Variants in LIPA observed in about 807,000 individuals in gnomAD.
The protein encoded by LIPA is lipase A, lysosomal acid type.
LIPA carries 26 observed loss-of-function variants against 40.6 expected under a neutral mutation model. The observed-to-expected ratio is 0.64, with a 90% CI of 0.47 to 0.89. The LOEUF is 0.89. Among genes scored for constraint, LIPA ranks in the 40% least tolerant of loss-of-function variants. The pLI is 0.00. For missense variants in LIPA, 455 were observed against 479.6 expected, an observed-to-expected ratio of 0.95 and a Z score of 0.48; for synonymous variants, 188 against 168.4, an observed-to-expected ratio of 1.12 and a Z score of -0.90.
chr10:89,233,895 T>C (rs1027798380), intron 3 of LIPA, among the ~76,000 whole-genome samples: 2 of 151,522 alleles, frequency 1.3e-5, no homozygotes, highest in East Asian at 3.9e-4. Flanking sequence ...AAAAAAGCAA[T>C]GGCAAAAACC....
At chr10:89,357,521 T>TCA (rs1843995065) in intron 2 of LIPA, among the ~76,000 whole-genome samples, 1 of 152,232 alleles carries the variant, frequency 6.6e-6, no homozygotes, top group African/African-American at 2.4e-5. Context: ...TCTTACTAAG[T>TCA]TAACAGACAC....
At position 89,225,235 on chromosome 10, in the gene LIPA, G is replaced by A. The variant is rs1842753489; in HGVS notation, c.539-7C>T. 1.2e-6 allele frequency: 2 copies of A among 1,614,040 alleles called. No homozygotes were observed. Among genetic ancestry groups the A allele is most frequent in the East Asian group, 2.2e-5 (1 of 44,878 alleles). ...TGTGAAAATGCTATAAAACCTGTGAGAACAAAGGACAGAAAACAGGAATTC... is the reference window on the plus strand; with the variant it reads ...TGTGAAAATGCTATAAAACCTGTGAAAACAAAGGACAGAAAACAGGAATTC... On this transcript the variant is annotated splice_polypyrimidine_tract_variant and splice_region_variant and intron_variant, in intron 5 of 9. Transcript: ENST00000336233.
At chr10:89,393,366 C>T in intron 2 of LIPA, 1 of 1,115,180 alleles carries the variant, frequency 9.0e-7, no homozygotes, top group South Asian at 1.4e-5. Context: ...GAAGATGATC[C>T]ACATCTGCTT....
chr10:89,299,699 C>G (rs1843434367), intron 1 of LIPA, among the ~76,000 whole-genome samples: 4 of 151,580 alleles, frequency 2.6e-5, no homozygotes, highest in Admixed American at 2.6e-4. Flanking sequence ...CAAGGAAATG[C>G]AAATAAAAAT....
At chr10:89,271,184 C>T (rs1404713571) in intron 1 of LIPA, among the ~76,000 whole-genome samples, 2 of 152,206 alleles carry the variant, frequency 1.3e-5, no homozygotes, top group African/African-American at 4.8e-5. Flanking sequence ...GAGGAAGAGA[C>T]TATTTGGTCT....
chr10:89,222,633 A>G (rs995397950), intron 7 of LIPA, 51 bp from the exon 8 acceptor site: 2 of 1,134,284 alleles, frequency 1.8e-6, no homozygotes, highest in Non-Finnish European at 2.7e-6. Context: ...TTAAGGTGGC[A>G]TTGATAATAA....
At chr10:89,326,552 A>G (rs1843601734) in intron 1 of LIPA, among the ~76,000 whole-genome samples, 1 of 152,218 alleles carries the variant, frequency 6.6e-6, no homozygotes, top group African/African-American at 2.4e-5. Context: ...AGTCAACAAT[A>G]GTTTATTGCA....
chr10:89,409,374 A>G (rs900880898), intron 2 of LIPA, among the ~76,000 whole-genome samples: 11 of 152,194 alleles, frequency 7.2e-5, no homozygotes, highest in African/African-American at 2.4e-4. Flanking sequence ...GGAGCATGCC[A>G]ATCACCCGGT....
chr10:89,256,984 A>T (rs1041826515), intron 1 of LIPA, among the ~76,000 whole-genome samples: 1 of 152,240 alleles, frequency 6.6e-6, no homozygotes, highest in African/African-American at 2.4e-5. Flanking sequence ...AATGTGAATA[A>T]GTGTGCCATA....
chr10:89,306,791 A>G lies in LIPA; in HGVS notation c.-2+35820T>C, dbSNP rs1201993169. 3 of 1,614,118 alleles carry G rather than the reference A, an allele frequency of 1.9e-6. No homozygotes were observed. In the East Asian group the frequency reaches 6.7e-5, roughly 36 times the overall value. On this transcript the variant is annotated intron_variant, in intron 1 of 5. Transcript: ENST00000282673. ...TAAAAAGGCTTTAGAATACATACCA[A>G]ACAATGCCTACCTGCATTGCCAAAT...
At chr10:89,273,633 A>G (rs1195816465) in intron 1 of LIPA, among the ~76,000 whole-genome samples, 1 of 152,228 alleles carries the variant, frequency 6.6e-6, no homozygotes, top group Non-Finnish European at 1.5e-5. Flanking sequence ...AAGAATCACA[A>G]CTGACAGGAC....
At position 89,283,265 on chromosome 10, in the gene LIPA, C is replaced by T. The variant is rs1367868939; in HGVS notation, c.-1-35616G>A. 5.3e-5 allele frequency among the ~76,000 whole-genome samples: 8 copies of T among 152,324 alleles called. No individual in the cohort carries two copies. In the South Asian group the frequency reaches 1.7e-3, roughly 32 times the overall value. On this transcript the variant is annotated intron_variant, in intron 1 of 5. Transcript: ENST00000282673. Reference sequence around the variant, plus strand: ...AACCAACACTTCCATTTCTGTACCTCACTTCTGTTTTTTATAGGTCATTTT... The same window carrying T: ...AACCAACACTTCCATTTCTGTACCTTACTTCTGTTTTTTATAGGTCATTTT...
chr10:89,232,139 A>G (rs1270101186), intron 3 of LIPA, among the ~76,000 whole-genome samples: 1 of 152,214 alleles, frequency 6.6e-6, no homozygotes, highest in Non-Finnish European at 1.5e-5. Flanking sequence ...TAGTTGAAAA[A>G]TGTGTAACTA....
At chr10:89,380,630 G>A (rs765399399) in intron 2 of LIPA, among the ~76,000 whole-genome samples, 11 of 151,940 alleles carry the variant, frequency 7.2e-5, no homozygotes, top group Non-Finnish European at 1.3e-4. Context: ...ACATGGTTTC[G>A]CTATGTTGCC....
At chr10:89,216,427 TAGAGAGAG>T (rs931586599) in intron 8 of LIPA, among the ~76,000 whole-genome samples, 1 of 140,876 alleles carries the variant, frequency 7.1e-6, no homozygotes. Flanking sequence ...ATATATATAA[TAGAGAGAG>T]AGAGAGAGAG....
chr10:89,386,592 C>T (rs913269710), intron 2 of LIPA, among the ~76,000 whole-genome samples: 1 of 152,158 alleles, frequency 6.6e-6, no homozygotes, highest in African/African-American at 2.4e-5. Flanking sequence ...CATCTGAGGA[C>T]ATATCTCTAC....
At chr10:89,220,570 G>A (rs1299130373) in intron 8 of LIPA, among the ~76,000 whole-genome samples, 1 of 152,174 alleles carries the variant, frequency 6.6e-6, no homozygotes, top group Non-Finnish European at 1.5e-5. Context: ...GTAAGCATGT[G>A]CTGTTCAGCA....
At chr10:89,256,681 TTAAG>T (rs1258544814), upstream of LIPA, among the ~76,000 whole-genome samples, 3 of 152,204 alleles carry the variant, frequency 2.0e-5, no homozygotes, top group Non-Finnish European at 4.4e-5. Flanking sequence ...GTCTTGAGGA[TTAAG>T]TGAGACACTG....
chr10:89,382,064 C>A (rs1444748223), intron 2 of LIPA, among the ~76,000 whole-genome samples: 4 of 152,170 alleles, frequency 2.6e-5, no homozygotes, highest in Non-Finnish European at 5.9e-5. Flanking sequence ...GCCACCACAC[C>A]TGGCCGTGAA....
Sources: allele counts gnomAD v4.1 joint callset (sites outside exome capture counted in the v4.1 genomes callset), GRCh38; gene constraint gnomAD v4.1.1; transcripts MANE v1.5; gene names NCBI Gene and HGNC (gene_info 2026-07-23, HGNC 2026-07-21).